The following ZNF292 variants were observed in gnomAD, a reference collection of about 807,000 sequenced individuals.
ZNF292 encodes zinc finger protein 292.
A neutral mutation model predicts 217.9 loss-of-function variants in ZNF292; 26 were observed. That is an observed-to-expected ratio of 0.12 (90% CI 0.09 to 0.17). The LOEUF is 0.17. ZNF292 is among the 10% of genes least tolerant of loss of function. ZNF292 has a pLI of 1.00. For synonymous variants in ZNF292, 1,257 were observed against 1,124.1 expected, an observed-to-expected ratio of 1.12 and a Z score of -2.37; for missense variants, 2,904 against 3,175.2, an observed-to-expected ratio of 0.91 and a Z score of 2.05.
At chr6:87,248,475 G>A (rs1582499477) in intron 7 of ZNF292, among the ~76,000 whole-genome samples, 1 of 152,182 alleles carries the variant, frequency 6.6e-6, no homozygotes, top group Admixed American at 6.5e-5. Flanking sequence ...GGGCATGGGA[G>A]TGCACGCCTG....
rs1290769018 is a variant in ZNF292 at position 87,256,839 on chromosome 6, T to C, written c.3210T>C (p.Ser1070=). Residue 1070 remains serine (S), a synonymous_variant, in exon 8 of 8, where the codon AGT becomes AGC. Coordinates refer to ENST00000369577, the MANE Select transcript of ZNF292 (RefSeq NM_015021.3). ...ATTTACCTCTTAAGACATTAGAAAG[T>C]ATTGCATTTGTTCCACCGCAGTCCG... ...LYNLPLKTLE[S]IAFVPPQSDL... is the part of the protein sequence containing the mutation. The C allele has an allele frequency of 1.1e-5, 18 of 1,613,596 alleles. No individual in the cohort carries two copies. Among genetic ancestry groups the C allele is most frequent in the Non-Finnish European group, 1.4e-5 (17 of 1,179,812 alleles).
intron 1 of ZNF292, among the ~76,000 whole-genome samples, chr6:87,188,971 G>A (rs1582397821): frequency 6.6e-6 from 1 of 151,960 alleles, no homozygotes; most frequent in East Asian, 1.9e-4. Flanking sequence ...TTGGGAGGCC[G>A]AGGCGGGCCG....
intron 1 of ZNF292, among the ~76,000 whole-genome samples, chr6:87,202,192 G>GT (rs776344585): frequency 6.6e-6 from 1 of 152,176 alleles, no homozygotes; most frequent in East Asian, 1.9e-4. Context: ...TATGTATGTG[G>GT]TATTTCCATT....
Position 87,265,881 on chromosome 6 carries a change from GC to G in ZNF292, c.*4081del, listed in dbSNP as rs1775787054. On this transcript the variant is annotated 3_prime_UTR_variant, in exon 8 of 8. Coordinates refer to ENST00000369577, the MANE Select transcript of ZNF292 (RefSeq NM_015021.3). ...GAATATTACCCGGTATTCAAGTAAT[GC>G]TCATTGAATTTCAAGTAATTGTGAT... Among the ~76,000 whole-genome samples, 1 of 152,148 alleles carries G rather than the reference GC, an allele frequency of 6.6e-6. No homozygotes were observed. Among genetic ancestry groups the G allele is most frequent in the Admixed American group, 6.5e-5 (1 of 15,276 alleles).
intron 1 of ZNF292, among the ~76,000 whole-genome samples, chr6:87,187,901 G>A (rs1771713061): frequency 6.6e-6 from 1 of 152,044 alleles, no homozygotes; most frequent in Non-Finnish European, 1.5e-5. Context: ...GAACAAGAGA[G>A]CTCTTACCCT....
Position 87,260,408 on chromosome 6 carries a change from G to A in ZNF292, c.6779G>A (p.Cys2260Tyr), listed in dbSNP as rs1775503208. Residue 2260 changes from cysteine (C) to tyrosine (Y), a missense_variant, in exon 8 of 8, where the codon TGT (cysteine) becomes TAT (tyrosine). Around this residue, in one of 15 missense-constraint regions of ZNF292, gnomAD observed 55 missense variants for 99.8 expected, o/e 0.55. Coordinates refer to ENST00000369577, the MANE Select transcript of ZNF292 (RefSeq NM_015021.3). ...GAAGATGGTGTATACAAATGTGATT[G>A]TGAAGGCTGTGACCGTATATATGCA... is the stretch of plus-strand genomic sequence containing the variant. ...TEEDGVYKCD[C>Y]EGCDRIYATR... The A allele has an allele frequency of 6.2e-7, 1 of 1,613,612 alleles. No individual in the cohort carries two copies. Among genetic ancestry groups the A allele is most frequent in the Non-Finnish European group, 8.5e-7 (1 of 1,179,682 alleles).
chr6:87,249,125 T>C (rs907944926), intron 7 of ZNF292, among the ~76,000 whole-genome samples: 1 of 152,082 alleles, frequency 6.6e-6, no homozygotes, highest in Non-Finnish European at 1.5e-5. Flanking sequence ...CTGTTGTTGC[T>C]TTTGTTGGTT....
intron 1 of ZNF292, among the ~76,000 whole-genome samples, chr6:87,156,126 G>A (rs1442654683): frequency 1.4e-4 from 22 of 152,210 alleles, no homozygotes; most frequent in Admixed American, 1.4e-3. Flanking sequence ...GTGCACTGGG[G>A]ATTACCGCGC....
chr6:87,256,739 C>G lies in ZNF292; in HGVS notation c.3110C>G (p.Ala1037Gly). The change falls in exon 8 of 8, where the codon GCA (alanine) becomes GGA (glycine). Residue 1037 changes from alanine (A) to glycine (G), a missense_variant. This residue lies in a region of ZNF292 where 687 missense variants were observed against 623.0 expected (regional missense o/e 1.10). Coordinates refer to ENST00000369577, the MANE Select transcript of ZNF292 (RefSeq NM_015021.3). ...NLMTFSVQNQ[A>G]AFQNNLPTSK... ...ATGACCTTTTCTGTGCAAAATCAGG[C>G]AGCATTTCAAAACAATTTACCAACT... is the stretch of plus-strand genomic sequence containing the variant. 1 of 1,612,546 alleles carries G rather than the reference C, an allele frequency of 6.2e-7. No individual in the cohort carries two copies. Among genetic ancestry groups the G allele is most frequent in the Non-Finnish European group, 8.5e-7 (1 of 1,179,806 alleles).
intron 1 of ZNF292, among the ~76,000 whole-genome samples, chr6:87,158,449 G>A (rs546864627): frequency 2.9e-4 from 44 of 152,206 alleles, no homozygotes; most frequent in African/African-American, 1.0e-3. Context: ...CGAGTTGGGC[G>A]GATCGCTTGA....
chr6:87,259,432 C>T lies in ZNF292; in HGVS notation c.5803C>T (p.Leu1935Phe), dbSNP rs375361849. Residue 1935 changes from leucine (L) to phenylalanine (F), a missense_variant, in exon 8 of 8, where the codon CTT (leucine) becomes TTT (phenylalanine). Around this residue, in one of 15 missense-constraint regions of ZNF292, gnomAD observed 50 missense variants for 90.5 expected, o/e 0.55. Coordinates refer to ENST00000369577, the MANE Select transcript of ZNF292 (RefSeq NM_015021.3). ...TCATCAATACACTCCAGAAATGATT[C>T]TTGAAATTAAGAAGAATCAATTGAA... ...KIHQYTPEMI[L>F]EIKKNQLKFA... 2 of 1,596,032 alleles carry T rather than the reference C, an allele frequency of 1.3e-6. No homozygotes were observed. Among genetic ancestry groups the T allele is most frequent in the Admixed American group, 1.8e-5 (1 of 56,908 alleles).
Position 87,233,442 on chromosome 6 carries a change from C to T in ZNF292, c.656C>T (p.Pro219Leu), listed in dbSNP as rs1347219062. 2 of 1,613,432 alleles carry T rather than the reference C, an allele frequency of 1.2e-6. No individual in the cohort carries two copies. Among genetic ancestry groups the T allele is most frequent in the African/African-American group, 2.7e-5 (2 of 74,890 alleles). ...CTAGCAAAGCTGTGTTCTGACCATC[C>T]AGAGATTGGCATAAAAGGTAGTTTT... Reference protein sequence around the residue: ...TALAKLCSDHPEIGIKGSFKQ... With the variant: ...TALAKLCSDHLEIGIKGSFKQ... The change falls in exon 5 of 8, where the codon CCA (proline) becomes CTA (leucine). Residue 219 changes from proline (P) to leucine (L), a missense_variant. Coordinates refer to ENST00000369577, the MANE Select transcript of ZNF292 (RefSeq NM_015021.3).
In ZNF292 at chr6:87,260,882, C is replaced by T. The variant is rs771326146; in HGVS notation, c.7253C>T (p.Ser2418Leu). The T allele has an allele frequency of 3.1e-6, 5 of 1,609,960 alleles. No homozygotes were observed. In the East Asian group the frequency reaches 1.1e-4, roughly 36 times the overall value. ...KCHKLSKAFT[S>L]QHRNLLIVFK... ...CATAAATTATCTAAGGCATTTACAT[C>T]ACAACACCGAAATCTTCTTATTGTA... Residue 2418 changes from serine (S) to leucine (L), a missense_variant, in exon 8 of 8, where the codon TCA becomes TTA. By Grantham distance (145) the Ser-to-Leu change is moderately radical. This residue lies in a region of ZNF292 where 380 missense variants were observed against 355.3 expected (regional missense o/e 1.07). Coordinates refer to ENST00000369577, the MANE Select transcript of ZNF292 (RefSeq NM_015021.3).
intron 4 of ZNF292, among the ~76,000 whole-genome samples, chr6:87,219,253 G>A (rs17731731): frequency 0.066 from 10,090 of 152,074 alleles, 458 homozygotes; most frequent in Non-Finnish European, 0.1. Context: ...AACACTTAAT[G>A]TTTTTTAGAG....
At chr6:87,208,387 A>G (rs1772335099) in intron 1 of ZNF292, among the ~76,000 whole-genome samples, 1 of 152,012 alleles carries the variant, frequency 6.6e-6, no homozygotes, top group African/African-American at 2.4e-5. Context: ...CCTGTTATTT[A>G]TTATGGGACC....
rs1775395333 is a variant in ZNF292 at position 87,258,877 on chromosome 6, A to G, written c.5248A>G (p.Asn1750Asp). 1 of 1,607,814 alleles carries G rather than the reference A, an allele frequency of 6.2e-7. No homozygotes were observed. Among genetic ancestry groups the G allele is most frequent in the Non-Finnish European group, 8.5e-7 (1 of 1,176,484 alleles). The stretch of plus-strand genomic sequence containing the variant: ...TTCTGATTTGCAGATTTCTGAAGAC[A>G]ATGTTATACAAAACTTTGAAAAGAC... ...INSDLQISED[N>D]VIQNFEKTLE... Residue 1750 changes from asparagine to aspartate, a missense_variant, in exon 8 of 8, where the codon AAT becomes GAT. Physicochemically the swap from Asn to Asp is conservative, Grantham distance 23. Coordinates refer to ENST00000369577, the MANE Select transcript of ZNF292 (RefSeq NM_015021.3).
At chr6:87,233,611 C>A in intron 5 of ZNF292, 84 bp downstream of exon 5, 1 of 1,531,794 alleles carries the variant, frequency 6.5e-7, no homozygotes, top group East Asian at 2.3e-5. Flanking sequence ...TTCCTTTTCT[C>A]TTAGATAGCG....
chr6:87,189,720 T>C (rs574646329), intron 1 of ZNF292, among the ~76,000 whole-genome samples: 13 of 152,082 alleles, frequency 8.5e-5, no homozygotes, highest in Admixed American at 8.5e-4. Context: ...CTTAGCACAG[T>C]TGATGTTAAC....
At chr6:87,226,635 A>G (rs368432786) in intron 4 of ZNF292, among the ~76,000 whole-genome samples, 1 of 114,512 alleles carries the variant, frequency 8.7e-6, no homozygotes, top group African/African-American at 4.0e-5. Context: ...GTGTGTATAT[A>G]TATCTATATA....
Sources: gnomAD v4.1 joint callset for allele counts (sites outside exome capture counted in the v4.1 genomes callset) on GRCh38, gnomAD v4.1.1 for gene constraint, gnomAD v4.1.1 regional missense constraint, MANE v1.5 for transcripts, NCBI Gene and HGNC (gene_info 2026-07-23, HGNC 2026-07-21) for gene names.